Variants in IFT122 observed in about 807,000 individuals in gnomAD.
IFT122 encodes intraflagellar transport 122, also known as intraflagellar transport protein 122 homolog.
IFT122 carries 118 observed loss-of-function variants against 161.6 expected under a neutral mutation model. That is an observed-to-expected ratio of 0.73 (90% CI 0.63 to 0.85). The LOEUF is 0.85. Among genes scored for constraint, IFT122 ranks in the 40% least tolerant of loss-of-function variants. The pLI is 0.00. For missense variants in IFT122, 1,381 were observed against 1,579.6 expected, an observed-to-expected ratio of 0.87 and a Z score of 2.13; for synonymous variants, 550 against 602.4, an observed-to-expected ratio of 0.91 and a Z score of 1.27.
At chr3:129,459,750 T>C (rs1218492052) in intron 4 of IFT122, among the ~76,000 whole-genome samples, 1 of 132,376 alleles carries the variant, frequency 7.6e-6, no homozygotes, top group African/African-American at 3.0e-5. Context: ...CCCTTCTTCC[T>C]TCCTTCCTTC....
At chr3:129,465,637 A>AT (rs774334400) in intron 7 of IFT122, among the ~76,000 whole-genome samples, 15,280 of 109,348 alleles carry the variant, frequency 0.14, 1,980 homozygotes, top group Middle Eastern at 0.22. Flanking sequence ...CGCCTGGCTA[A>AT]TTTTTTTTTT....
At chr3:129,463,418 C>A (rs1386305477) in intron 5 of IFT122, 142 bp from the exon 6 acceptor site, 18 of 705,608 alleles carry the variant, frequency 2.6e-5, no homozygotes, top group Admixed American at 6.2e-5. Context: ...CAGTATATGA[C>A]CTTTTGAGAT....
At position 129,466,933 on chromosome 3, in the gene IFT122, G is replaced by A. The variant is rs2076866123; in HGVS notation, c.607G>A (p.Glu203Lys). Residue 203 changes from glutamate to lysine, a missense_variant, in exon 8 of 30, where the codon GAG (glutamate) becomes AAG (lysine). Physicochemically the swap from Glu to Lys is moderately conservative, Grantham distance 56. Transcript: ENST00000348417. ...FWMNRENEDA[E>K]DVIVNRYIQE... ...GATGAACAGAGAGAATGAGGATGCC[G>A]AGGATGTCATTGTCAACAGATATAT... 2 of 1,614,080 alleles carry A rather than the reference G, an allele frequency of 1.2e-6. No individual in the cohort carries two copies. Among genetic ancestry groups the A allele is most frequent in the South Asian group, 1.1e-5 (1 of 91,084 alleles).
chr3:129,476,263 G>A, intron 9 of IFT122, 52 bp from the exon 10 acceptor site: 1 of 1,599,556 alleles, frequency 6.3e-7, no homozygotes. Context: ...GTATTGCAAT[G>A]GTTATGGATT....
chr3:129,498,141 C>T (rs977019143), intron 18 of IFT122, among the ~76,000 whole-genome samples: 12 of 152,216 alleles, frequency 7.9e-5, no homozygotes, highest in Non-Finnish European at 1.6e-4. Flanking sequence ...CTTTGAATTT[C>T]CAGTTTGCTG....
chr3:129,515,896 G>A (rs2083435334), intron 26 of IFT122, among the ~76,000 whole-genome samples: 1 of 152,176 alleles, frequency 6.6e-6, no homozygotes, highest in African/African-American at 2.4e-5. Flanking sequence ...TTCAGACCAG[G>A]AGGCTGAGAT....
In IFT122 at chr3:129,514,432, G is replaced by C. The variant is rs199622112; in HGVS notation, c.3031G>C (p.Ala1011Pro). ...TLAKQSKALGAYRLARHAYDK... is the reference protein window; with the variant it reads ...TLAKQSKALGPYRLARHAYDK... ...GGCCAAGCAGAGCAAGGCCCTCGGT[G>C]CCTACAGGCTGGCCCGGCACGCCTA... Residue 1011 changes from alanine to proline, a missense_variant, in exon 25 of 30, where the codon GCC becomes CCC. This residue lies in a region of IFT122 where 496 missense variants were observed against 502.5 expected (regional missense o/e 0.99). Coordinates refer to ENST00000348417, the MANE Select transcript of IFT122 (RefSeq NM_052989.3). The C allele has an allele frequency of 1.1e-5, 18 of 1,614,074 alleles. No individual in the cohort carries two copies. The highest frequency in any genetic ancestry group is 2.7e-5 in the African/African-American group (2 of 74,932).
intron 13 of IFT122, among the ~76,000 whole-genome samples, chr3:129,481,061 C>T (rs866623864): frequency 6.6e-6 from 1 of 152,126 alleles, no homozygotes; most frequent in Non-Finnish European, 1.5e-5. Flanking sequence ...AAGACCTTAT[C>T]TCTAAAAAAA....
At chr3:129,510,767 C>T (rs2082732590) in intron 23 of IFT122, among the ~76,000 whole-genome samples, 2 of 152,212 alleles carry the variant, frequency 1.3e-5, no homozygotes, top group Admixed American at 1.3e-4. Context: ...CTTATCCCAG[C>T]TGAATCTTAT....
chr3:129,476,654 AC>A lies in IFT122; in HGVS notation c.1009-5del. On this transcript the variant is annotated splice_region_variant and splice_polypyrimidine_tract_variant and intron_variant, in intron 10 of 29. Coordinates refer to ENST00000348417, the MANE Select transcript of IFT122 (RefSeq NM_052989.3). ...AGAGCTGGGAATTGACAGTTCTCTC[AC>A]CCCGCAGGTGGTCGGCTGCCAGGAC... 6.2e-7 allele frequency: 1 copy of A among 1,614,174 alleles called. No homozygotes were observed. Among genetic ancestry groups the A allele is most frequent in the South Asian group, 1.1e-5 (1 of 91,082 alleles).
intron 4 of IFT122, chr3:129,460,820 T>C (rs369229505): frequency 1.3e-6 from 2 of 1,569,870 alleles, no homozygotes. Flanking sequence ...TTGCTCAGCT[T>C]TCATTGTTGT....
chr3:129,480,149 A>G (rs2078469609), intron 13 of IFT122, among the ~76,000 whole-genome samples: 1 of 152,220 alleles, frequency 6.6e-6, no homozygotes, highest in South Asian at 2.1e-4. Context: ...GAGTTGAGCT[A>G]TAACCTTTGG....
intron 7 of IFT122, among the ~76,000 whole-genome samples, chr3:129,466,390 C>T (rs1013046665): frequency 6.6e-6 from 1 of 151,482 alleles, no homozygotes; most frequent in Non-Finnish European, 1.5e-5. Context: ...CTTGGTGGCT[C>T]TAGGCTACCA....
Position 129,460,702 on chromosome 3 carries a change from TCAA to T in IFT122, c.273-522_273-520del, listed in dbSNP as rs1450066441. The T allele has an allele frequency of 1.1e-5, 8 of 720,612 alleles. No homozygotes were observed. The East Asian group carries it at 2.1e-4, about 19-fold the overall frequency. 44.6% of individuals were successfully genotyped at this position (720,612 alleles called of 1,614,324 possible). ...GCTGCTATGAACATGGGTGTACAAA[TCAA>T]CAAACAATTTTTGAAGGAATGAATG... On this transcript the variant is annotated intron_variant, in intron 4 of 29. Coordinates refer to ENST00000348417, the MANE Select transcript of IFT122 (RefSeq NM_052989.3).
chr3:129,517,719 G>T (rs1337382194), intron 27 of IFT122, 125 bp downstream of exon 27: 1 of 1,252,092 alleles, frequency 8.0e-7, no homozygotes. Flanking sequence ...TGTGTTCCCA[G>T]AGAGATTGGA....
intron 9 of IFT122, among the ~76,000 whole-genome samples, chr3:129,472,984 A>G (rs1236532776): frequency 2.0e-5 from 3 of 152,102 alleles, no homozygotes; most frequent in Non-Finnish European, 4.4e-5. Context: ...AGCCTTAATC[A>G]TAGTTATAAT....
At chr3:129,494,200 T>TTTTG (rs1199242640) in intron 17 of IFT122, among the ~76,000 whole-genome samples, 5 of 149,818 alleles carry the variant, frequency 3.3e-5, no homozygotes, top group South Asian at 2.2e-4. Flanking sequence ...GTAAAACCTT[T>TTTTG]TTTGTTTGTT....
chr3:129,506,147 C>T (rs1419919172), intron 21 of IFT122, among the ~76,000 whole-genome samples: 1 of 152,154 alleles, frequency 6.6e-6, no homozygotes, highest in Non-Finnish European at 1.5e-5. Flanking sequence ...GAATTTGGCC[C>T]CTCCAGTTTT....
At position 129,520,206 on chromosome 3, in the gene IFT122, G is replaced by A; in HGVS notation, c.3667G>A (p.Val1223Met). 6.2e-7 allele frequency: 1 copy of A among 1,612,320 alleles called. No individual in the cohort carries two copies. The highest frequency in any genetic ancestry group is 8.5e-7 in the Non-Finnish European group (1 of 1,179,976). The part of the protein sequence containing the change: ...MFHSEDYELL[V>M]LQHGCCPYCR... ...CCATTCTGAGGACTATGAGTTGCTG[G>A]TGCTTCAGCATGGCTGCTGCCCCTA... The change falls in exon 30 of 30, where the codon GTG becomes ATG. Residue 1223 changes from valine (V) to methionine (M), a missense_variant. By Grantham distance (21) the Val-to-Met change is conservative. Around this residue, in one of 7 missense-constraint regions of IFT122, gnomAD observed 177 missense variants for 199.2 expected, o/e 0.89. Transcript: ENST00000348417.
Sources: gnomAD v4.1 joint callset for allele counts (sites outside exome capture counted in the v4.1 genomes callset) on GRCh38, gnomAD v4.1.1 for gene constraint, gnomAD v4.1.1 regional missense constraint, MANE v1.5 for transcripts, NCBI Gene and HGNC (gene_info 2026-07-23, HGNC 2026-07-21) for gene names.